FZD3: variants seen among roughly 807,000 people sequenced by gnomAD.
FZD3 encodes frizzled-3.
Under a neutral mutation model 60.7 loss-of-function variants are expected in FZD3, and 30 were observed. The ratio of observed to expected loss-of-function variants is 0.49; its 90% CI spans 0.37 to 0.67. The LOEUF is 0.67. FZD3 is among the 30% of genes least tolerant of loss of function. The probability of loss-of-function intolerance (pLI) is 0.00; values close to 1 mark genes in which losing one functional copy is unlikely to be tolerated. For synonymous variants in FZD3, 246 were observed against 275.2 expected (o/e 0.89, Z 1.05); for missense variants, 605 against 838.7 (o/e 0.72, Z 3.44).
intron 5 of FZD3, among the ~76,000 whole-genome samples, chr8:28,536,768 C>A (rs1454467790): frequency 1.3e-5 from 2 of 152,120 alleles, no homozygotes; most frequent in Non-Finnish European, 2.9e-5. Flanking sequence ...TCTGAGCACA[C>A]AAGGCATCCC....
chr8:28,533,620 G>GTTTT, intron 5 of FZD3, among the ~76,000 whole-genome samples: 1 of 143,920 alleles, frequency 6.9e-6, no homozygotes, highest in Non-Finnish European at 1.5e-5. Context: ...TGTTTTGTTT[G>GTTTT]AGAACCTTTA....
intron 5 of FZD3, among the ~76,000 whole-genome samples, chr8:28,529,881 T>C (rs1029483317): frequency 6.6e-6 from 1 of 152,202 alleles, no homozygotes; most frequent in Non-Finnish European, 1.5e-5. Flanking sequence ...AGTTATATTT[T>C]ATGCTTCCCC....
At chr8:28,544,824 A>C (rs1805257727) in intron 5 of FZD3, among the ~76,000 whole-genome samples, 1 of 152,164 alleles carries the variant, frequency 6.6e-6, no homozygotes. Context: ...GGTAATTTTT[A>C]AAGAAAAGGA....
chr8:28,555,687 G>C (rs759715179), intron 6 of FZD3, 51 bp from the exon 7 acceptor site: 11 of 997,128 alleles, frequency 1.1e-5, no homozygotes. Context: ...ATTGCTTATT[G>C]GTCTGAAGGA....
At chr8:28,516,828 A>G (rs1457613389) in intron 3 of FZD3, among the ~76,000 whole-genome samples, 1 of 150,836 alleles carries the variant, frequency 6.6e-6, no homozygotes, top group Non-Finnish European at 1.5e-5. Context: ...TTACTTTGTT[A>G]GTTGTGCATT....
rs554659545 is a variant in FZD3, at chr8:28,537,636, C to T, written c.1404+9472C>T. On this transcript the variant is annotated intron_variant, in intron 5 of 7. Coordinates refer to ENST00000240093, the MANE Select transcript of FZD3 (RefSeq NM_017412.4). ...GCTTTATTTGTAGAAACAGGCATTG[C>T]GACAGATTTGGCCTTCAGGCTGTAG... 4.6e-5 allele frequency among the ~76,000 whole-genome samples: 7 copies of T among 152,264 alleles called. No individual in the cohort carries two copies. In the East Asian group the frequency reaches 5.8e-4, roughly 13 times the overall value.
rs367896096 is a variant in FZD3, at chr8:28,571,506, T to G, written c.*8495T>G. On this transcript the variant is annotated 3_prime_UTR_variant, in exon 8 of 8. Transcript: ENST00000240093. ...TGAAAATATTAGTCTGGACATTCTC[T>G]TGCCATCAGGTGCTATTTCTACCTT... is the stretch of plus-strand genomic sequence containing the variant. 6.6e-5 allele frequency: 10 copies of G among 152,324 alleles called. No individual in the cohort carries two copies. The highest frequency in any genetic ancestry group is 2.2e-4 in the African/African-American group (9 of 41,582). 9.4% of individuals were successfully genotyped at this position (152,324 alleles called of 1,614,324 possible).
At chr8:28,518,643 G>A (rs1478984314) in intron 3 of FZD3, among the ~76,000 whole-genome samples, 1 of 152,126 alleles carries the variant, frequency 6.6e-6, no homozygotes, top group Non-Finnish European at 1.5e-5. Flanking sequence ...GGGAAAACTG[G>A]CTTTGTGTTA....
chr8:28,531,027 A>T (rs1804859310), intron 5 of FZD3, among the ~76,000 whole-genome samples: 1 of 152,142 alleles, frequency 6.6e-6, no homozygotes. Context: ...ACTACCTTGA[A>T]ATCTTGAAAT....
intron 2 of FZD3, among the ~76,000 whole-genome samples, chr8:28,502,238 C>T (rs1473339021): frequency 6.6e-6 from 1 of 152,112 alleles, no homozygotes; most frequent in African/African-American, 2.4e-5. Context: ...CCTTCTGCTA[C>T]ATCAGTTAAT....
chr8:28,554,229 T>C (rs1805463897), intron 6 of FZD3, among the ~76,000 whole-genome samples: 1 of 152,222 alleles, frequency 6.6e-6, no homozygotes, highest in African/African-American at 2.4e-5. Context: ...ATCTGTAAAA[T>C]GAGGGGACAA....
At chr8:28,501,989 T>G (rs2130271004) in intron 2 of FZD3, among the ~76,000 whole-genome samples, 1 of 152,332 alleles carries the variant, frequency 6.6e-6, no homozygotes, top group Admixed American at 6.5e-5. Context: ...TTGTATAAAC[T>G]AATTCAATGA....
At chr8:28,556,521 A>T (rs1038074356) in intron 7 of FZD3, among the ~76,000 whole-genome samples, 1 of 152,242 alleles carries the variant, frequency 6.6e-6, no homozygotes, top group Non-Finnish European at 1.5e-5. Context: ...TGAGTACCTC[A>T]TATCAGCTTC....
chr8:28,494,960 C>T (rs1803803186), intron 1 of FZD3, among the ~76,000 whole-genome samples: 1 of 152,164 alleles, frequency 6.6e-6, no homozygotes, highest in Non-Finnish European at 1.5e-5. Context: ...GTCCTTGCTC[C>T]CTTCCGCGAG....
At position 28,550,016 on chromosome 8, in the gene FZD3, A is replaced by G. The variant is rs12676852; in HGVS notation, c.1405-1587A>G. On this transcript the variant is annotated intron_variant, in intron 5 of 7. Transcript: ENST00000240093. ...CTTTATGGAGGCTTTGTTAAGTACAATTTTATGCTTGCTTTATATAAATAA... is the reference window on the plus strand; with the variant it reads ...CTTTATGGAGGCTTTGTTAAGTACAGTTTTATGCTTGCTTTATATAAATAA... Among the ~76,000 whole-genome samples, 731 of 152,216 alleles carry G rather than the reference A, an allele frequency of 4.8e-3. 26 individuals carry two copies. The East Asian group carries it at 0.092, about 19-fold the overall frequency.
At chr8:28,549,494 T>C (rs1805364541) in intron 5 of FZD3, among the ~76,000 whole-genome samples, 1 of 152,162 alleles carries the variant, frequency 6.6e-6, no homozygotes, top group Non-Finnish European at 1.5e-5. Context: ...TTTCCAGGTA[T>C]AAAATTATAT....
At chr8:28,533,640 G>GT (rs979561068) in intron 5 of FZD3, among the ~76,000 whole-genome samples, 7 of 151,976 alleles carry the variant, frequency 4.6e-5, no homozygotes, top group African/African-American at 1.7e-4. Context: ...ATTTATTGAA[G>GT]TTTGGGTATC....
chr8:28,495,069 TAGCC>T (rs1803807551), intron 1 of FZD3, among the ~76,000 whole-genome samples: 2 of 152,204 alleles, frequency 1.3e-5, no homozygotes, highest in Non-Finnish European at 2.9e-5. Flanking sequence ...TGCTGTGAAA[TAGCC>T]AGCAAGGTGA....
chr8:28,521,431 T>C (rs1804576393), intron 4 of FZD3, among the ~76,000 whole-genome samples: 1 of 152,130 alleles, frequency 6.6e-6, no homozygotes. Context: ...CCTATTTGTA[T>C]TCTGAAATAT....
Sources: gnomAD v4.1 joint callset for allele counts (sites outside exome capture counted in the v4.1 genomes callset) on GRCh38, gnomAD v4.1.1 for gene constraint, MANE v1.5 for transcripts, NCBI Gene and HGNC (gene_info 2026-07-23, HGNC 2026-07-21) for gene names.